PPFIA2: variants seen among roughly 807,000 people sequenced by gnomAD.
PPFIA2 encodes PPFI scaffold protein A2.
In PPFIA2, 46 loss-of-function variants were observed where a neutral mutation model predicts 175.5. That is an observed-to-expected ratio of 0.26 (90% confidence interval 0.21 to 0.34). PPFIA2 has a LOEUF of 0.34. PPFIA2 is among the 10% of genes least tolerant of loss of function. The pLI is 1.00. For synonymous variants in PPFIA2, 568 were observed against 511.4 expected (o/e 1.11, Z -1.49); for missense variants, 1,179 against 1,506.1 (o/e 0.78, Z 3.60).
In PPFIA2 at chr12:81,436,129, A is replaced by G. The variant is rs539268054; in HGVS notation, c.645+3843T>C. On this transcript the variant is annotated intron_variant, in intron 7 of 32. Coordinates refer to ENST00000549396, the MANE Select transcript of PPFIA2 (RefSeq NM_003625.5). ...TCCATCTCTATAAAGAATACAAAAA[A>G]AATTGGCTGGGCATGGTGGCATGCA... Among the ~76,000 whole-genome samples, 139 of 151,468 alleles carry G rather than the reference A, an allele frequency of 9.2e-4. 2 individuals are homozygous for G. The highest frequency in any genetic ancestry group is 3.3e-3 in the African/African-American group (138 of 41,332).
rs376398350 is a variant in PPFIA2, at chr12:81,620,016, C to A, written c.303+56775G>T. ...CTACTGAAAATACAAAAAAATTATC[C>A]GGGCGTGATGGCGGGTGCCTGTAGT... On this transcript the variant is annotated intron_variant, in intron 4 of 32. Coordinates refer to ENST00000549396, the MANE Select transcript of PPFIA2 (RefSeq NM_003625.5). Among the ~76,000 whole-genome samples, 17 of 151,720 alleles carry A rather than the reference C, an allele frequency of 1.1e-4. No homozygotes were observed. The East Asian group carries it at 2.5e-3, about 23-fold the overall frequency.
intron 4 of PPFIA2, among the ~76,000 whole-genome samples, chr12:81,491,205 C>CTTT (rs769765539): frequency 1.5e-5 from 2 of 130,258 alleles, no homozygotes; most frequent in Admixed American, 7.7e-5. Context: ...TCTGGAATTA[C>CTTT]TTTTTTTGTT....
intron 4 of PPFIA2, among the ~76,000 whole-genome samples, chr12:81,559,280 G>GTGTGCATTTGCACGTGTGGATGCA (rs1438971226): frequency 1.3e-5 from 2 of 152,312 alleles, no homozygotes; most frequent in South Asian, 2.1e-4. Context: ...TAGAAACAGC[G>GTGTGCATTTGCACGTGTGGATGCA]TGTGCATTTG....
intron 3 of PPFIA2, among the ~76,000 whole-genome samples, chr12:81,701,118 C>T (rs535842126): frequency 5.3e-5 from 8 of 152,198 alleles, no homozygotes; most frequent in Non-Finnish European, 8.8e-5. Context: ...GGTTATATGG[C>T]AAATTAGCCT....
chr12:81,626,861 T>C (rs963564548), intron 4 of PPFIA2, among the ~76,000 whole-genome samples: 1 of 152,072 alleles, frequency 6.6e-6, no homozygotes, highest in African/African-American at 2.4e-5. Flanking sequence ...CATCTTGATG[T>C]AAAATTTAAT....
At chr12:81,653,815 T>C (rs1221337514) in intron 4 of PPFIA2, among the ~76,000 whole-genome samples, 1 of 152,072 alleles carries the variant, frequency 6.6e-6, no homozygotes, top group Non-Finnish European at 1.5e-5. Flanking sequence ...AAGTCTTCCT[T>C]GATTTCCTTC....
chr12:81,395,265 A>G (rs2040904447), intron 8 of PPFIA2, among the ~76,000 whole-genome samples: 1 of 152,102 alleles, frequency 6.6e-6, no homozygotes, highest in Non-Finnish European at 1.5e-5. Flanking sequence ...ATCATATATA[A>G]GATCTCTATG....
intron 4 of PPFIA2, among the ~76,000 whole-genome samples, chr12:81,620,699 T>G (rs1028792164): frequency 6.6e-6 from 1 of 152,160 alleles, no homozygotes; most frequent in African/African-American, 2.4e-5. Context: ...GTGCAAACAT[T>G]AAAGAGGCTC....
chr12:81,372,513 G>GAAAAAAAAAAAAAAAACA (rs2035397446), intron 11 of PPFIA2, among the ~76,000 whole-genome samples: 1 of 93,632 alleles, frequency 1.1e-5, no homozygotes, highest in Non-Finnish European at 2.6e-5. Context: ...AATTGAAACA[G>GAAAAAAAAAAAAAAAACA]AAAAAAAAAA....
intron 2 of PPFIA2, among the ~76,000 whole-genome samples, chr12:81,756,675 G>GA (rs907602035): frequency 4.0e-5 from 6 of 150,860 alleles, no homozygotes; most frequent in Non-Finnish European, 5.9e-5. Context: ...ATGCTTAGAG[G>GA]AAAAAAAAGA....
At chr12:81,350,779 G>T (rs2059873194) in intron 17 of PPFIA2, among the ~76,000 whole-genome samples, 1 of 149,580 alleles carries the variant, frequency 6.7e-6, no homozygotes, top group South Asian at 2.1e-4. Context: ...ATACTACAAA[G>T]AAACCAGATA....
At chr12:81,268,315 T>C (rs1021915517) in intron 28 of PPFIA2, among the ~76,000 whole-genome samples, 1 of 151,332 alleles carries the variant, frequency 6.6e-6, no homozygotes, top group Non-Finnish European at 1.5e-5. Flanking sequence ...ATTTTTTGTA[T>C]TTTTAGTAGA....
At chr12:81,710,520 T>A (rs531926938) in intron 3 of PPFIA2, among the ~76,000 whole-genome samples, 1 of 152,242 alleles carries the variant, frequency 6.6e-6, no homozygotes, top group African/African-American at 2.4e-5. Flanking sequence ...CATGCAGGTA[T>A]AAATATAGTT....
intron 4 of PPFIA2, among the ~76,000 whole-genome samples, chr12:81,621,879 A>C (rs2062082982): frequency 6.6e-6 from 1 of 152,192 alleles, no homozygotes. Context: ...CTAGGATTTC[A>C]GTGGAGAGTA....
chr12:81,516,523 G>T (rs2062465470), intron 4 of PPFIA2, among the ~76,000 whole-genome samples: 1 of 152,086 alleles, frequency 6.6e-6, no homozygotes, highest in Non-Finnish European at 1.5e-5. Context: ...ATTTGGTTGG[G>T]TCCTAACCCA....
rs116352523 is a variant in PPFIA2, at chr12:81,575,488, A to G, written c.303+101303T>C. On this transcript the variant is annotated intron_variant, in intron 4 of 32. Coordinates refer to ENST00000549396, the MANE Select transcript of PPFIA2 (RefSeq NM_003625.5). ...AATATTGGCAATGTGATCACACCAT[A>G]TTTAACAGGTATTTATGAAACATTT... Among the ~76,000 whole-genome samples, 636 of 151,984 alleles carry G rather than the reference A, an allele frequency of 4.2e-3. 3 individuals carry two copies. The highest frequency in any genetic ancestry group is 0.014 in the African/African-American group (599 of 41,528).
chr12:81,299,184 T>G, intron 23 of PPFIA2, 117 bp downstream of exon 23: 7 of 1,338,756 alleles, frequency 5.2e-6, no homozygotes, highest in Non-Finnish European at 6.9e-6. Context: ...TAGTCCCTTA[T>G]GAGCAATTCC....
At chr12:81,635,210 T>A in intron 4 of PPFIA2, among the ~76,000 whole-genome samples, 1 of 152,188 alleles carries the variant, frequency 6.6e-6, no homozygotes, top group East Asian at 1.9e-4. Flanking sequence ...AGAGTAAGAA[T>A]CTCCTGAACC....
chr12:81,523,905 T>G (rs906874116), intron 4 of PPFIA2, among the ~76,000 whole-genome samples: 18 of 152,190 alleles, frequency 1.2e-4, no homozygotes, highest in Non-Finnish European at 2.2e-4. Flanking sequence ...ATATAAACAA[T>G]GAAAAATTCT....
Sources: gnomAD v4.1 joint callset for allele counts (sites outside exome capture counted in the v4.1 genomes callset) on GRCh38, gnomAD v4.1.1 for gene constraint, MANE v1.5 for transcripts, NCBI Gene and HGNC (gene_info 2026-07-23, HGNC 2026-07-21) for gene names.